CHST9: variants seen among roughly 807,000 people sequenced by gnomAD.
CHST9 encodes the protein carbohydrate sulfotransferase 9, also known as GalNAc-4-sulfotransferase 2.
CHST9 carries 41 observed loss-of-function variants against 44.4 expected under a neutral mutation model. The observed-to-expected ratio is 0.92, with a 90% CI of 0.72 to 1.20. CHST9 has a LOEUF of 1.20. Ranked by LOEUF, CHST9 falls within the 50% of genes most tolerant of loss-of-function variation. CHST9 has a pLI of 0.00. For missense variants in CHST9, 504 were observed against 516.5 expected (o/e 0.98, Z 0.23); for synonymous variants, 171 against 178.4 (o/e 0.96, Z 0.33).
intron 4 of CHST9, among the ~76,000 whole-genome samples, chr18:27,016,792 T>C (rs947750934): frequency 2.0e-5 from 3 of 152,324 alleles, no homozygotes; most frequent in South Asian, 2.1e-4. Context: ...ATGACAGATA[T>C]AGTATGCACA....
At chr18:27,073,157 G>A (rs1259492205) in intron 2 of CHST9, among the ~76,000 whole-genome samples, 1 of 152,160 alleles carries the variant, frequency 6.6e-6, no homozygotes, top group Non-Finnish European at 1.5e-5. Flanking sequence ...ACACTGGTCT[G>A]CCTCACAATG....
At chr18:27,061,550 A>G (rs2057721887) in intron 2 of CHST9, among the ~76,000 whole-genome samples, 1 of 152,082 alleles carries the variant, frequency 6.6e-6, no homozygotes, top group African/African-American at 2.4e-5. Flanking sequence ...TAGACCATGC[A>G]CTGAGTACCT....
chr18:27,074,322 T>G (rs970053578), intron 2 of CHST9, among the ~76,000 whole-genome samples: 2 of 152,214 alleles, frequency 1.3e-5, no homozygotes, highest in African/African-American at 4.8e-5. Flanking sequence ...TGAATCCACA[T>G]GAATACCATC....
At chr18:27,106,147 A>G (rs1267454213) in intron 2 of CHST9, among the ~76,000 whole-genome samples, 1 of 152,182 alleles carries the variant, frequency 6.6e-6, no homozygotes, top group African/African-American at 2.4e-5. Flanking sequence ...AACAGCCAGG[A>G]AACTCAGTCA....
At chr18:27,098,092 T>C (rs1047483365) in intron 2 of CHST9, among the ~76,000 whole-genome samples, 10 of 151,566 alleles carry the variant, frequency 6.6e-5, no homozygotes, top group Admixed American at 6.6e-4. Context: ...AGAATCTACA[T>C]GGAACTTAAA....
intron 2 of CHST9, among the ~76,000 whole-genome samples, chr18:27,128,874 G>A (rs2058447977): frequency 6.6e-6 from 1 of 152,212 alleles, no homozygotes; most frequent in Admixed American, 6.5e-5. Flanking sequence ...GATACATTGT[G>A]AATCATGGAT....
chr18:26,981,017 T>C (rs2056685294), intron 4 of CHST9, among the ~76,000 whole-genome samples: 1 of 152,202 alleles, frequency 6.6e-6, no homozygotes, highest in Non-Finnish European at 1.5e-5. Flanking sequence ...ATTAAATATG[T>C]AAGGAGAGTT....
chr18:27,162,060 C>A (rs1399839370), intron 1 of CHST9, among the ~76,000 whole-genome samples: 1 of 152,086 alleles, frequency 6.6e-6, no homozygotes, highest in Non-Finnish European at 1.5e-5. Flanking sequence ...GACTCTTTAT[C>A]CAATTTGCCA....
In CHST9 at chr18:27,038,537, C is replaced by A. The variant is rs545921788; in HGVS notation, c.160+9928G>T. ...TGGGTGATAGAGCTAGACTCAGTTT[C>A]AAAAAAAAAAGAACTTCCAGCAAGG... On this transcript the variant is annotated intron_variant, in intron 3 of 5. Coordinates refer to ENST00000618847, the MANE Select transcript of CHST9 (RefSeq NM_031422.6). Among the ~76,000 whole-genome samples, 449 of 146,462 alleles carry A rather than the reference C, an allele frequency of 3.1e-3. 3 individuals carry two copies. The highest frequency in any genetic ancestry group is 2.0e-3 in the Non-Finnish European group (133 of 66,224).
chr18:27,005,723 A>G (rs937138813), intron 4 of CHST9, among the ~76,000 whole-genome samples: 12 of 152,246 alleles, frequency 7.9e-5, no homozygotes, highest in African/African-American at 2.4e-4. Flanking sequence ...GGAAGGGGCA[A>G]GTCTCCAGGG....
chr18:26,951,784 T>C (rs892339304), intron 4 of CHST9, among the ~76,000 whole-genome samples: 1 of 152,332 alleles, frequency 6.6e-6, no homozygotes, highest in Non-Finnish European at 1.5e-5. Context: ...ACAGTGAAGC[T>C]ACTACTGCTG....
chr18:26,958,492 G>A (rs2056357164), intron 4 of CHST9, among the ~76,000 whole-genome samples: 1 of 151,480 alleles, frequency 6.6e-6, no homozygotes, highest in African/African-American at 2.4e-5. Flanking sequence ...ATTGACAAGT[G>A]GGACCTAGTT....
intron 2 of CHST9, among the ~76,000 whole-genome samples, chr18:27,069,289 T>C (rs1485887072): frequency 6.6e-6 from 1 of 152,210 alleles, no homozygotes; most frequent in Non-Finnish European, 1.5e-5. Flanking sequence ...TTCTCTAATG[T>C]ACCCTATAGT....
intron 1 of CHST9, among the ~76,000 whole-genome samples, chr18:27,154,186 G>A (rs1169712498): frequency 2.6e-5 from 4 of 151,790 alleles, no homozygotes; most frequent in African/African-American, 9.7e-5. Context: ...TTTTTTGCAT[G>A]ATAATCAGAA....
At chr18:27,015,056 A>T (rs546327622) in intron 4 of CHST9, among the ~76,000 whole-genome samples, 1 of 152,236 alleles carries the variant, frequency 6.6e-6, no homozygotes, top group East Asian at 1.9e-4. Flanking sequence ...ACTTGTTTCC[A>T]TTTGAGCCTC....
In CHST9 at chr18:26,908,373, T is replaced by G. The variant is rs2145026002; in HGVS notation, c.*7886A>C. On this transcript the variant is annotated 3_prime_UTR_variant, in exon 6 of 6. Coordinates refer to ENST00000618847, the MANE Select transcript of CHST9 (RefSeq NM_031422.6). ...TGGAGGTTGCAGTGAGCAGAGATGG[T>G]GCCACTGCACTGCAGCCTGGGCGAC... The G allele has an allele frequency of 6.6e-6, 1 of 151,810 alleles. No individual in the cohort carries two copies. Among genetic ancestry groups the G allele is most frequent in the Non-Finnish European group, 1.5e-5 (1 of 67,964 alleles). 9.4% of individuals were successfully genotyped at this position (151,810 alleles called of 1,614,324 possible).
rs1210798918 is a variant in CHST9, at chr18:27,142,921, G to T, written c.-96-16C>A. The T allele has an allele frequency of 4.2e-6, 4 of 952,488 alleles. No individual in the cohort carries two copies. Among genetic ancestry groups the T allele is most frequent in the African/African-American group, 1.7e-5 (1 of 60,506 alleles). The allele number at this position is 952,488 out of a possible 1,614,324, so 59.0% of individuals were successfully genotyped here. A position where few individuals can be genotyped will look rare whatever the true frequency, so the allele number is the denominator to read the frequency against. On this transcript the variant is annotated splice_polypyrimidine_tract_variant and intron_variant, in intron 1 of 5. Transcript: ENST00000618847. ...ATAAAGTAACCTAGAATTTTAAAAA[G>T]AAATCTACATTGTACATTTCTGCTA...
chr18:26,987,496 A>G (rs1301332921), intron 4 of CHST9, among the ~76,000 whole-genome samples: 1 of 152,226 alleles, frequency 6.6e-6, no homozygotes, highest in East Asian at 1.9e-4. Flanking sequence ...AACCTTTTAA[A>G]AGACAATTGA....
At chr18:27,046,666 T>G (rs1054264389) in intron 3 of CHST9, among the ~76,000 whole-genome samples, 3 of 152,082 alleles carry the variant, frequency 2.0e-5, no homozygotes, top group Admixed American at 6.6e-5. Flanking sequence ...GATTGTAGTA[T>G]TTATGACTAT....
Sources: gnomAD v4.1 joint callset for allele counts (sites outside exome capture counted in the v4.1 genomes callset) on GRCh38, gnomAD v4.1.1 for gene constraint, MANE v1.5 for transcripts, NCBI Gene and HGNC (gene_info 2026-07-23, HGNC 2026-07-21) for gene names.